Variants in CCNT1 observed in about 807,000 individuals in gnomAD.
The protein encoded by CCNT1 is cyclin T1, also known as cyclin-T1.
Under a neutral mutation model 67.3 loss-of-function variants are expected in CCNT1, and 18 were observed. The observed-to-expected ratio is 0.27, with a 90% CI of 0.18 to 0.40. The LOEUF (loss-of-function observed/expected upper bound fraction) is 0.40. CCNT1 is among the 10% of genes least tolerant of loss of function. The pLI is 1.00. For missense variants in CCNT1, 744 were observed against 884.9 expected (o/e 0.84, Z 2.02); for synonymous variants, 333 against 310.3 (o/e 1.07, Z -0.77).
rs886607062 is a variant in CCNT1 at position 48,689,446 on chromosome 12, G to A, written c.*3587C>T. The A allele has an allele frequency of 5.3e-5, 8 of 152,150 alleles. No individual in the cohort carries two copies. Among genetic ancestry groups the A allele is most frequent in the Non-Finnish European group, 8.8e-5 (6 of 68,014 alleles). 9.4% of individuals were successfully genotyped at this position (152,150 alleles called of 1,614,324 possible). ...CTAAACCATCAGGAGCAAACACTCA[G>A]TTAAAAGCTGGGTGTTAACAAGCAG... On this transcript the variant is annotated 3_prime_UTR_variant, in exon 9 of 9. Coordinates refer to ENST00000261900, the MANE Select transcript of CCNT1 (RefSeq NM_001240.4).
At chr12:48,712,615 A>AAAG (rs1940472123) in intron 2 of CCNT1, among the ~76,000 whole-genome samples, 1 of 142,426 alleles carries the variant, frequency 7.0e-6, no homozygotes, top group Non-Finnish European at 1.5e-5. Context: ...AAAAAAAAAA[A>AAAG]AAAGCAGGGA....
chr12:48,706,036 C>G, intron 2 of CCNT1, 140 bp from the exon 3 acceptor site: 1 of 668,148 alleles, frequency 1.5e-6, no homozygotes, highest in Non-Finnish European at 2.4e-6. Context: ...TCCCGCCCCC[C>G]CGCTTCTACC....
intron 6 of CCNT1, among the ~76,000 whole-genome samples, chr12:48,696,369 A>G (rs1039338084): frequency 1.3e-5 from 2 of 151,378 alleles, no homozygotes; most frequent in African/African-American, 4.8e-5. Flanking sequence ...AGGTAACAAC[A>G]TTTTAAAAAC....
In CCNT1 at chr12:48,692,988, T is replaced by A; in HGVS notation, c.*45A>T. ...GTCCAAAAAAAAAAAAGAAAAATTATGTGTTTTTTTAAAGAAGTTTTTTTC... is the reference window on the plus strand; with the variant it reads ...GTCCAAAAAAAAAAAAGAAAAATTAAGTGTTTTTTTAAAGAAGTTTTTTTC... On this transcript the variant is annotated 3_prime_UTR_variant, in exon 9 of 9. Transcript: ENST00000261900. 8.2e-7 allele frequency: 1 copy of A among 1,225,606 alleles called. No individual in the cohort carries two copies. Among genetic ancestry groups the A allele is most frequent in the Non-Finnish European group, 1.1e-6 (1 of 890,884 alleles). 75.9% of individuals were successfully genotyped at this position (1,225,606 alleles called of 1,614,324 possible).
rs918870860 is a variant in CCNT1 at position 48,693,738 on chromosome 12, C to T, written c.1476G>A (p.Lys492=). The change falls in exon 9 of 9, where the codon AAG becomes AAA. Residue 492 remains lysine (K), a synonymous_variant. Coordinates refer to ENST00000261900, the MANE Select transcript of CCNT1 (RefSeq NM_001240.4). ...MRIKVHAAAD[K]HNSVEDSVTK... is the part of the protein sequence containing the mutation. ...TAACACTGTCCTCTACAGAATTGTG[C>T]TTATCAGCTGCAGCATGGACTTTTA... 2.5e-6 allele frequency: 4 copies of T among 1,613,982 alleles called. No homozygotes were observed. The African/African-American group carries it at 5.3e-5, about 22-fold the overall frequency.
chr12:48,709,792 A>C (rs1940420718), intron 2 of CCNT1, among the ~76,000 whole-genome samples: 1 of 152,206 alleles, frequency 6.6e-6, no homozygotes, highest in Non-Finnish European at 1.5e-5. Context: ...ATCAATGGTT[A>C]TCTCTGGGTG....
chr12:48,691,706 T>C lies in CCNT1; in HGVS notation c.*1327A>G, dbSNP rs903414253. The C allele has an allele frequency of 1.3e-5, 2 of 152,212 alleles. No individual in the cohort carries two copies. Among genetic ancestry groups the C allele is most frequent in the South Asian group, 4.1e-4 (2 of 4,836 alleles). The allele number at this position is 152,212 out of a possible 1,614,324, so 9.4% of individuals were successfully genotyped here. A position where few individuals can be genotyped will look rare whatever the true frequency, so the allele number is the denominator to read the frequency against. On this transcript the variant is annotated 3_prime_UTR_variant, in exon 9 of 9. Coordinates refer to ENST00000261900, the MANE Select transcript of CCNT1 (RefSeq NM_001240.4). Reference sequence around the variant, plus strand: ...AACAATCTAAACACAATAGTATCCATTGGCTAGGCTTTGCTCATTCTCATG... The same window carrying C: ...AACAATCTAAACACAATAGTATCCACTGGCTAGGCTTTGCTCATTCTCATG...
At position 48,697,062 on chromosome 12, in the gene CCNT1, A is replaced by T. The variant is rs559914858; in HGVS notation, c.543-900T>A. On this transcript the variant is annotated intron_variant, in intron 6 of 8. Coordinates refer to ENST00000261900, the MANE Select transcript of CCNT1 (RefSeq NM_001240.4). ...TTGGCCAGGTTGGTCTCGAACTCCT[A>T]GCCTCAAGTGATCCACCAGCCTCAG... Among the ~76,000 whole-genome samples the T allele has an allele frequency of 2.0e-5, 3 of 152,204 alleles. No individual in the cohort carries two copies. In the South Asian group the frequency reaches 6.2e-4, roughly 32 times the overall value.
rs1940048937 is a variant in CCNT1, at chr12:48,690,064, C to T, written c.*2969G>A. On this transcript the variant is annotated 3_prime_UTR_variant, in exon 9 of 9. Coordinates refer to ENST00000261900, the MANE Select transcript of CCNT1 (RefSeq NM_001240.4). ...CATGAATGGGAAGACTAGACTAACACCTAAGTATTTTCTAAACTCAAAAGC... is the reference window on the plus strand; with the variant it reads ...CATGAATGGGAAGACTAGACTAACATCTAAGTATTTTCTAAACTCAAAAGC... 6.6e-6 allele frequency: 1 copy of T among 152,190 alleles called. No homozygotes were observed. The highest frequency in any genetic ancestry group is 1.5e-5 in the Non-Finnish European group (1 of 68,046). The allele number at this position is 152,190 out of a possible 1,614,324, so 9.4% of individuals were successfully genotyped here.
At chr12:48,695,643 T>A in intron 8 of CCNT1, 116 bp downstream of exon 8, 1 of 672,156 alleles carries the variant, frequency 1.5e-6, no homozygotes. Flanking sequence ...ATGATTACTG[T>A]GTAACTATAA....
chr12:48,692,785 G>GTCCT lies in CCNT1; in HGVS notation c.*244_*247dup. The GTCCT allele has an allele frequency of 2.6e-6, 1 of 380,516 alleles. No homozygotes were observed. The highest frequency in any genetic ancestry group is 4.7e-6 in the Non-Finnish European group (1 of 210,966). The allele number at this position is 380,516 out of a possible 1,614,324, so 23.6% of individuals were successfully genotyped here. On this transcript the variant is annotated 3_prime_UTR_variant, in exon 9 of 9. Coordinates refer to ENST00000261900, the MANE Select transcript of CCNT1 (RefSeq NM_001240.4). ...TGGAGAGGCCAAGAATTCAGAATGTGTCCTTAATCCTTCACAGCTTCAACA... is the reference window on the plus strand; with the variant it reads ...TGGAGAGGCCAAGAATTCAGAATGTGTCCTTCCTTAATCCTTCACAGCTTCAACA...
intron 4 of CCNT1, 40 bp from the exon 5 acceptor site, chr12:48,699,880 G>T (rs770591034): frequency 1.6e-6 from 2 of 1,278,534 alleles, no homozygotes; most frequent in Non-Finnish European, 2.2e-6. Context: ...CTATTAAGAA[G>T]TTTACATTTT....
At chr12:48,701,298 TCA>T (rs1940265283) in intron 3 of CCNT1, among the ~76,000 whole-genome samples, 1 of 141,286 alleles carries the variant, frequency 7.1e-6, no homozygotes, top group African/African-American at 2.6e-5. Flanking sequence ...TGATCTCGAC[TCA>T]CTGCAACCTC....
chr12:48,697,534 A>AAAAT (rs1288926072), intron 6 of CCNT1, among the ~76,000 whole-genome samples: 26 of 130,688 alleles, frequency 2.0e-4, no homozygotes, highest in Admixed American at 1.1e-3. Context: ...AAAAAAAAAA[A>AAAAT]ATATATATAT....
chr12:48,715,617 C>T (rs546558350), intron 1 of CCNT1, among the ~76,000 whole-genome samples: 16 of 152,112 alleles, frequency 1.1e-4, no homozygotes, highest in Non-Finnish European at 2.1e-4. Context: ...CCCGCCACTA[C>T]GCCGGGGTAA....
Position 48,693,669 on chromosome 12 carries a change from A to G in CCNT1, c.1545T>C (p.Ser515=). Residue 515 remains serine (S), a synonymous_variant, in exon 9 of 9, where the codon TCT becomes TCC. Coordinates refer to ENST00000261900, the MANE Select transcript of CCNT1 (RefSeq NM_001240.4). ...GGTGATTATGATGATGATGATGATT[A>G]GATGGGTGAGTCTTGTGCTTTTCTT... ...EHKEKHKTHP[S]NHHHHHNHHS... 6.2e-7 allele frequency: 1 copy of G among 1,614,206 alleles called. No individual in the cohort carries two copies. The highest frequency in any genetic ancestry group is 1.1e-5 in the South Asian group (1 of 91,086).
At chr12:48,712,344 G>A (rs989226457) in intron 2 of CCNT1, among the ~76,000 whole-genome samples, 7 of 151,402 alleles carry the variant, frequency 4.6e-5, no homozygotes, top group Admixed American at 1.3e-4. Flanking sequence ...GTGCAATAGC[G>A]ATCTCGGCTC....
At chr12:48,699,385 AAAAAG>A (rs1352718089) in intron 5 of CCNT1, among the ~76,000 whole-genome samples, 1 of 152,224 alleles carries the variant, frequency 6.6e-6, no homozygotes, top group African/African-American at 2.4e-5. Context: ...AATTAGAATT[AAAAAG>A]AAAAGTTCTG....
At chr12:48,704,534 G>A (rs191231330) in intron 3 of CCNT1, among the ~76,000 whole-genome samples, 1 of 152,130 alleles carries the variant, frequency 6.6e-6, no homozygotes, top group African/African-American at 2.4e-5. Context: ...AAGGTGGCCG[G>A]GCACAGTGGC....
Sources: gnomAD v4.1 joint callset for allele counts (sites outside exome capture counted in the v4.1 genomes callset) on GRCh38, gnomAD v4.1.1 for gene constraint, MANE v1.5 for transcripts, NCBI Gene and HGNC (gene_info 2026-07-23, HGNC 2026-07-21) for gene names.